TSHZ2: variants seen among roughly 807,000 people sequenced by gnomAD.
TSHZ2 encodes teashirt homolog 2.
In TSHZ2, 21 loss-of-function variants were observed where a neutral mutation model predicts 74.4. The ratio of observed to expected loss-of-function variants is 0.28; its 90% CI spans 0.20 to 0.41. The LOEUF is 0.41. Among genes scored for constraint, TSHZ2 ranks in the 10% least tolerant of loss-of-function variants. The pLI, the probability that TSHZ2 is intolerant of heterozygous loss-of-function variation, is 1.00. For synonymous variants in TSHZ2, 540 were observed against 515.3 expected, an observed-to-expected ratio of 1.05 and a Z score of -0.65; for missense variants, 1,244 against 1,293.5, an observed-to-expected ratio of 0.96 and a Z score of 0.59.
intron 2 of TSHZ2, among the ~76,000 whole-genome samples, chr20:53,302,319 G>A (rs1600799291): frequency 6.6e-6 from 1 of 152,288 alleles, no homozygotes; most frequent in East Asian, 1.9e-4. Context: ...GAGTGAGGGA[G>A]AAAGCCATGA....
chr20:53,310,403 G>T (rs1192896904), intron 2 of TSHZ2, among the ~76,000 whole-genome samples: 1 of 152,196 alleles, frequency 6.6e-6, no homozygotes, highest in South Asian at 2.1e-4. Context: ...GTAGTCTGCT[G>T]CTGTGAAACT....
intron 2 of TSHZ2, among the ~76,000 whole-genome samples, chr20:53,452,140 C>T: frequency 6.6e-6 from 1 of 152,218 alleles, no homozygotes. Context: ...AGCTGCAGTT[C>T]ATGCAATGGG....
intron 1 of TSHZ2, among the ~76,000 whole-genome samples, chr20:53,138,245 G>A (rs6068466): frequency 0.16 from 24,775 of 152,002 alleles, 2,666 homozygotes; most frequent in Middle Eastern, 0.24. Context: ...TTAGCTGGGC[G>A]TGGTGGTGGG....
intron 1 of TSHZ2, among the ~76,000 whole-genome samples, chr20:53,027,372 A>G (rs541171193): frequency 1.8e-4 from 27 of 152,344 alleles, no homozygotes; most frequent in African/African-American, 6.5e-4. Context: ...CAGTTCTACT[A>G]TATATGCTGT....
intron 1 of TSHZ2, among the ~76,000 whole-genome samples, chr20:53,001,230 G>GTGTATA (rs1555813622): frequency 7.9e-6 from 1 of 126,114 alleles, no homozygotes; most frequent in African/African-American, 3.0e-5. Flanking sequence ...GTGTGTGTGT[G>GTGTATA]TGTGTGTGTG....
At chr20:53,409,834 C>CTTTTTTTTTTTTTTTTTTTTTTTTTTTT (rs71194475) in intron 2 of TSHZ2, among the ~76,000 whole-genome samples, 1 of 49,336 alleles carries the variant, frequency 2.0e-5, no homozygotes, top group Non-Finnish European at 3.5e-5. Context: ...GTTTTCTTTT[C>CTTTTTTTTTTTTTTTTTTTTTTTTTTTT]TTTTTTTTTT....
intron 1 of TSHZ2, among the ~76,000 whole-genome samples, chr20:52,986,144 C>A (rs1370026466): frequency 1.3e-5 from 2 of 152,078 alleles, no homozygotes; most frequent in Non-Finnish European, 2.9e-5. Context: ...GTAATCCCAG[C>A]ACTTTGGGAG....
chr20:53,284,606 C>T (rs1306636963), intron 2 of TSHZ2, among the ~76,000 whole-genome samples: 1 of 152,142 alleles, frequency 6.6e-6, no homozygotes, highest in South Asian at 2.1e-4. Context: ...TTTGTTTCCC[C>T]CTGTGGCCCC....
intron 1 of TSHZ2, among the ~76,000 whole-genome samples, chr20:53,156,595 G>A (rs1240451150): frequency 2.0e-5 from 3 of 152,154 alleles, no homozygotes; most frequent in Non-Finnish European, 2.9e-5. Context: ...TACCCATCCA[G>A]CAAATGTCAG....
chr20:53,245,487 C>T (rs1430041517), intron 1 of TSHZ2, among the ~76,000 whole-genome samples: 1 of 152,180 alleles, frequency 6.6e-6, no homozygotes, highest in East Asian at 1.9e-4. Context: ...ATGATCTTTT[C>T]ACAAAGCTGG....
At chr20:53,467,695 A>ATATCAAAAGAAGTT (rs1239313348) in intron 2 of TSHZ2, among the ~76,000 whole-genome samples, 1 of 152,230 alleles carries the variant, frequency 6.6e-6, no homozygotes, top group Non-Finnish European at 1.5e-5. Flanking sequence ...TGGAAAGAGA[A>ATATCAAAAGAAGTT]TATCAAAAGA....
At chr20:53,141,989 G>A (rs989081599) in intron 1 of TSHZ2, among the ~76,000 whole-genome samples, 7 of 152,208 alleles carry the variant, frequency 4.6e-5, no homozygotes, top group Non-Finnish European at 1.0e-4. Flanking sequence ...AGGGACGGTG[G>A]TGGGGGGCTC....
intron 1 of TSHZ2, among the ~76,000 whole-genome samples, chr20:52,991,236 A>AGT (rs1414084242): frequency 5.3e-5 from 5 of 94,720 alleles, no homozygotes; most frequent in South Asian, 3.3e-4. Context: ...TGTGGGTATT[A>AGT]GTGTGTGTTG....
At position 53,210,325 on chromosome 20, in the gene TSHZ2, C is replaced by A. The variant is rs532511253; in HGVS notation, c.41-43174C>A. On this transcript the variant is annotated intron_variant, in intron 1 of 2. Coordinates refer to ENST00000371497, the MANE Select transcript of TSHZ2 (RefSeq NM_173485.6). ...TGTATCCCAAGCTTTTGCCCAGCAT[C>A]CAAGGGAAAATCGGGCCACATGTGG... 2.5e-4 allele frequency among the ~76,000 whole-genome samples: 38 copies of A among 152,252 alleles called. No individual in the cohort carries two copies. In the East Asian group the frequency reaches 7.2e-3, roughly 29 times the overall value.
intron 1 of TSHZ2, among the ~76,000 whole-genome samples, chr20:52,999,042 C>G (rs1394401594): frequency 6.6e-6 from 1 of 152,144 alleles, no homozygotes; most frequent in Non-Finnish European, 1.5e-5. Flanking sequence ...CTGAAACTTA[C>G]AGCAGTGATT....
intron 1 of TSHZ2, among the ~76,000 whole-genome samples, chr20:53,052,360 C>G (rs1329715501): frequency 6.6e-6 from 1 of 152,188 alleles, no homozygotes; most frequent in Non-Finnish European, 1.5e-5. Context: ...GGAGGACCAG[C>G]AAGTGCGGCA....
intron 1 of TSHZ2, among the ~76,000 whole-genome samples, chr20:53,025,044 T>C (rs1056435389): frequency 1.3e-5 from 2 of 152,120 alleles, no homozygotes; most frequent in African/African-American, 4.8e-5. Context: ...ATGCATATGC[T>C]ACTGTACTAG....
At chr20:53,330,470 G>A (rs988230872) in intron 2 of TSHZ2, among the ~76,000 whole-genome samples, 4 of 152,302 alleles carry the variant, frequency 2.6e-5, no homozygotes, top group African/African-American at 7.2e-5. Flanking sequence ...AGAAAGAAAC[G>A]TGAATACGGT....
At chr20:53,441,223 TTA>T (rs985696023) in intron 2 of TSHZ2, among the ~76,000 whole-genome samples, 4 of 36,900 alleles carry the variant, frequency 1.1e-4, no homozygotes, top group Non-Finnish European at 1.5e-4. Context: ...ATTTATTTGT[TTA>T]TTTTATTTTA....
Sources: gnomAD v4.1 joint callset for allele counts (sites outside exome capture counted in the v4.1 genomes callset) on GRCh38, gnomAD v4.1.1 for gene constraint, MANE v1.5 for transcripts, NCBI Gene and HGNC (gene_info 2026-07-23, HGNC 2026-07-21) for gene names.